ANK2: variants seen among roughly 807,000 people sequenced by gnomAD.
ANK2 encodes ankyrin-2.
Under a neutral mutation model 360.5 loss-of-function variants are expected in ANK2, and 83 were observed. The ratio of observed to expected loss-of-function variants is 0.23; its 90% CI spans 0.19 to 0.28. The LOEUF (loss-of-function observed/expected upper bound fraction) is 0.28. ANK2 is among the 10% of genes least tolerant of loss of function. ANK2 has a pLI of 1.00. For missense variants in ANK2, 4,201 were observed against 4,795.7 expected, an observed-to-expected ratio of 0.88 and a Z score of 3.66; for synonymous variants, 1,740 against 1,759.5, an observed-to-expected ratio of 0.99 and a Z score of 0.28.
chr4:112,840,778 G>C (rs983822343), intron 1 of ANK2, among the ~76,000 whole-genome samples: 2 of 152,146 alleles, frequency 1.3e-5, no homozygotes, highest in African/African-American at 4.8e-5. Flanking sequence ...TCATTTTACA[G>C]ATAAGGAAAC....
At chr4:113,036,721 T>A (rs558779743) in intron 2 of ANK2, among the ~76,000 whole-genome samples, 23 of 151,908 alleles carry the variant, frequency 1.5e-4, no homozygotes, top group Admixed American at 1.1e-3. Context: ...TTCTGTAGAT[T>A]TCTTGCATTT....
chr4:113,150,474 G>C (rs1237255324), intron 1 of ANK2, among the ~76,000 whole-genome samples: 1 of 152,138 alleles, frequency 6.6e-6, no homozygotes, highest in Non-Finnish European at 1.5e-5. Context: ...ATACAATCTG[G>C]GTTCCTGTTG....
intron 42 of ANK2, 111 bp from the exon 43 acceptor site, chr4:113,369,403 A>G (rs1366850485): frequency 9.1e-7 from 1 of 1,101,532 alleles, no homozygotes; most frequent in African/African-American, 1.5e-5. Flanking sequence ...AACTATTTTG[A>G]CTGTCATAGA....
chr4:112,928,483 A>C (rs1336530415), intron 2 of ANK2, among the ~76,000 whole-genome samples: 2 of 152,200 alleles, frequency 1.3e-5, no homozygotes, highest in Non-Finnish European at 2.9e-5. Flanking sequence ...TACTGGCTGA[A>C]CTGTGTCTTC....
chr4:113,339,265 C>G lies in ANK2; in HGVS notation c.3836C>G (p.Thr1279Ser). ...TPAQWEDITG[T>S]TPLTFVNECV... ...GCCCAGTGGGAAGATATTACAGGAA[C>G]TACGCCATTAACATTTGTCAATGAA... The change falls in exon 32 of 46, where the codon ACT (threonine) becomes AGT (serine). Residue 1279 changes from threonine to serine, a missense_variant. Transcript: ENST00000357077. The G allele has an allele frequency of 1.2e-6, 2 of 1,613,972 alleles. No individual in the cohort carries two copies. Among genetic ancestry groups the G allele is most frequent in the Non-Finnish European group, 1.7e-6 (2 of 1,179,968 alleles).
At chr4:112,918,249 C>T (rs1368899014) in intron 2 of ANK2, among the ~76,000 whole-genome samples, 4 of 152,144 alleles carry the variant, frequency 2.6e-5, no homozygotes, top group African/African-American at 9.7e-5. Context: ...GACTAGCGTG[C>T]TCCTGAGGTG....
chr4:113,291,713 G>T (rs2067689055), intron 20 of ANK2, among the ~76,000 whole-genome samples: 1 of 152,210 alleles, frequency 6.6e-6, no homozygotes, highest in Admixed American at 6.5e-5. Context: ...AATTTTATGA[G>T]AAGTGAAGCA....
intron 39 of ANK2, among the ~76,000 whole-genome samples, chr4:113,362,689 A>G (rs931735525): frequency 6.6e-6 from 1 of 152,166 alleles, no homozygotes; most frequent in African/African-American, 2.4e-5. Flanking sequence ...GCCTCAAGCA[A>G]TCCCTACCAC....
the ANK2 span, among the ~76,000 whole-genome samples, chr4:112,765,873 T>G: frequency 6.6e-6 from 1 of 152,172 alleles, no homozygotes; most frequent in African/African-American, 2.4e-5. Context: ...TGTACTGGCA[T>G]ATATTGACCA....
chr4:112,759,841 T>C, the ANK2 span, among the ~76,000 whole-genome samples: 1 of 152,208 alleles, frequency 6.6e-6, no homozygotes, highest in Non-Finnish European at 1.5e-5. Context: ...CTGCTATTAA[T>C]TCATCACCAA....
intron 2 of ANK2, among the ~76,000 whole-genome samples, chr4:112,983,375 G>A (rs2043734830): frequency 7.1e-6 from 1 of 140,056 alleles, no homozygotes; most frequent in Admixed American, 7.0e-5. Context: ...AACATTATTG[G>A]GTTAAAAAAA....
At chr4:113,274,715 A>G (rs1029829255) in intron 15 of ANK2, 66 bp downstream of exon 15, 65 of 1,535,994 alleles carry the variant, frequency 4.2e-5, no homozygotes, top group Admixed American at 1.4e-4. Context: ...TTTCTGCTCT[A>G]CCACATACAG....
chr4:112,878,463 A>AT (rs1410527302), intron 1 of ANK2, among the ~76,000 whole-genome samples: 1 of 151,786 alleles, frequency 6.6e-6, no homozygotes, highest in Non-Finnish European at 1.5e-5. Context: ...AGTAGCTGGG[A>AT]TTACAGGCAT....
chr4:113,103,088 T>C (rs1254702960), intron 1 of ANK2, among the ~76,000 whole-genome samples: 2 of 149,312 alleles, frequency 1.3e-5, no homozygotes, highest in East Asian at 3.9e-4. Context: ...TATATTTTAA[T>C]TTTAAAATAT....
chr4:112,948,218 A>G (rs1219591917), intron 2 of ANK2, among the ~76,000 whole-genome samples: 2 of 152,200 alleles, frequency 1.3e-5, no homozygotes, highest in Non-Finnish European at 2.9e-5. Context: ...GCAGTCTGTA[A>G]GGCTGCTTGA....
chr4:113,263,503 A>G (rs1467975768), intron 13 of ANK2, among the ~76,000 whole-genome samples: 1 of 152,214 alleles, frequency 6.6e-6, no homozygotes, highest in East Asian at 1.9e-4. Context: ...CAATCAAATC[A>G]TTTGACATGA....
chr4:112,873,837 C>T (rs1420101648), intron 1 of ANK2, among the ~76,000 whole-genome samples: 4 of 150,770 alleles, frequency 2.7e-5, no homozygotes, highest in African/African-American at 4.9e-5. Context: ...CCACCATGCC[C>T]GGCCCCTGTT....
chr4:112,894,469 G>GTACTT (rs140560619), intron 1 of ANK2, among the ~76,000 whole-genome samples: 4,239 of 152,200 alleles, frequency 0.028, 187 homozygotes, highest in African/African-American at 0.093. Context: ...AATTATGAAA[G>GTACTT]TACAAATGAA....
rs1366711699 is a variant in ANK2, at chr4:113,224,930, G to A, written c.385-7231G>A. ...GACCTGTAAGAATTCCTTTTGAGAT[G>A]CATTCTTGCACTGGCTTTTACCCAT... On this transcript the variant is annotated intron_variant, in intron 4 of 45. Transcript: ENST00000357077. 7.0e-5 allele frequency among the ~76,000 whole-genome samples: 10 copies of A among 141,862 alleles called. No homozygotes were observed. In the Admixed American group the frequency reaches 7.2e-4, roughly 10 times the overall value. 93.1% of individuals were successfully genotyped at this position (141,862 alleles called of 152,430 possible).
Sources: allele counts gnomAD v4.1 joint callset (sites outside exome capture counted in the v4.1 genomes callset), GRCh38; gene constraint gnomAD v4.1.1; transcripts MANE v1.5; gene names NCBI Gene and HGNC (gene_info 2026-07-23, HGNC 2026-07-21).